Variants in GPR39 observed in about 807,000 individuals in gnomAD.
The protein encoded by GPR39 is G protein-coupled receptor 39, also known as zinc sensing receptor.
Under a neutral mutation model 18.4 loss-of-function variants are expected in GPR39, and 23 were observed. That is an observed-to-expected ratio of 1.25 (90% CI 0.90 to 1.77). The LOEUF (loss-of-function observed/expected upper bound fraction) is 1.77. GPR39 is among the 40% of genes most tolerant of loss of function. The pLI is 0.00. For synonymous variants in GPR39, 280 were observed against 257.9 expected (o/e 1.09, Z -0.82); for missense variants, 647 against 602.4 (o/e 1.07, Z -0.78).
intron 1 of GPR39, among the ~76,000 whole-genome samples, chr2:132,591,804 A>G (rs1321178506): frequency 6.6e-6 from 1 of 152,130 alleles, no homozygotes; most frequent in African/African-American, 2.4e-5. Flanking sequence ...GGAAATTATG[A>G]AATAAAACTG....
At chr2:132,589,547 G>A (rs1680791919) in intron 1 of GPR39, among the ~76,000 whole-genome samples, 1 of 152,216 alleles carries the variant, frequency 6.6e-6, no homozygotes, top group Non-Finnish European at 1.5e-5. Context: ...CTTAGGCAGA[G>A]CCGAGATCTC....
At position 132,610,876 on chromosome 2, in the gene GPR39, C is replaced by G. The variant is rs1338311030; in HGVS notation, c.857-34225C>G. Among the ~76,000 whole-genome samples, 3 of 151,888 alleles carry G rather than the reference C, an allele frequency of 2.0e-5. No individual in the cohort carries two copies. In the East Asian group the frequency reaches 5.8e-4, roughly 29 times the overall value. The stretch of plus-strand genomic sequence containing the variant: ...TGGCTTCCAAGGCCCCTGAGCTCCT[C>G]TGAATCAGCATGCTGGAAGGGAAAA... On this transcript the variant is annotated intron_variant, in intron 1 of 1. Transcript: ENST00000329321.
At chr2:132,459,627 G>A (rs1277957147) in intron 1 of GPR39, among the ~76,000 whole-genome samples, 2 of 152,188 alleles carry the variant, frequency 1.3e-5, no homozygotes, top group East Asian at 3.9e-4. Flanking sequence ...CTACTAGCAT[G>A]TCACTCCATG....
At chr2:132,429,936 A>G (rs4592905) in intron 1 of GPR39, among the ~76,000 whole-genome samples, 31,572 of 152,240 alleles carry the variant, frequency 0.21, 3,397 homozygotes, top group African/African-American at 0.23. Context: ...TAGACTGAAA[A>G]GTAGACTGAG....
intron 1 of GPR39, among the ~76,000 whole-genome samples, chr2:132,441,383 G>T (rs1329754968): frequency 1.9e-5 from 1 of 51,634 alleles, no homozygotes; most frequent in Non-Finnish European, 4.5e-5. Flanking sequence ...ATGCATATAT[G>T]CTTTTTTTTT....
chr2:132,595,363 ATGCAGTTAGT>A (rs77757133), intron 1 of GPR39, among the ~76,000 whole-genome samples: 17,148 of 151,996 alleles, frequency 0.11, 1,398 homozygotes, highest in East Asian at 0.42. Flanking sequence ...CACATACCTC[ATGCAGTTAGT>A]TTGCACTCCA....
At chr2:132,556,936 T>C (rs1278322086) in intron 1 of GPR39, among the ~76,000 whole-genome samples, 1 of 152,206 alleles carries the variant, frequency 6.6e-6, no homozygotes, top group Non-Finnish European at 1.5e-5. Flanking sequence ...GGGTATAATG[T>C]CTGAGTGCCT....
Position 132,646,340 on chromosome 2 carries a change from T to TCTCA in GPR39, c.*735_*738dup, listed in dbSNP as rs535433576. On this transcript the variant is annotated 3_prime_UTR_variant, in exon 2 of 2. Transcript: ENST00000329321. ...GCACCGGCAAAAGAATAGCTGTCCC[T>TCTCA]CTCAGCCCAAATCCAAACGGACAGC... 44 of 1,209,520 alleles carry TCTCA rather than the reference T, an allele frequency of 3.6e-5. No individual in the cohort carries two copies. The South Asian group carries it at 8.8e-4, about 24-fold the overall frequency. The allele number at this position is 1,209,520 out of a possible 1,614,324, so 74.9% of individuals were successfully genotyped here.
chr2:132,456,500 T>G (rs1019135177), intron 1 of GPR39, among the ~76,000 whole-genome samples: 6 of 152,232 alleles, frequency 3.9e-5, no homozygotes, highest in Non-Finnish European at 5.9e-5. Context: ...TACTGTTATG[T>G]GTGAATCTGA....
chr2:132,582,593 G>A (rs1040388129), intron 1 of GPR39, among the ~76,000 whole-genome samples: 31 of 152,218 alleles, frequency 2.0e-4, no homozygotes, highest in Admixed American at 5.2e-4. Context: ...GATTCTTAGC[G>A]GAGTAAGGTC....
chr2:132,597,309 A>G (rs1162310213), intron 1 of GPR39, among the ~76,000 whole-genome samples: 1 of 152,188 alleles, frequency 6.6e-6, no homozygotes, highest in Non-Finnish European at 1.5e-5. Flanking sequence ...GGGCAGCAAG[A>G]ACAGTGCTAG....
At chr2:132,516,089 G>A (rs1679326277) in intron 1 of GPR39, among the ~76,000 whole-genome samples, 1 of 152,240 alleles carries the variant, frequency 6.6e-6, no homozygotes, top group East Asian at 1.9e-4. Context: ...CTTTGTTTCT[G>A]CTTTCTGGGT....
chr2:132,572,695 C>T (rs180954566), intron 1 of GPR39, among the ~76,000 whole-genome samples: 1 of 152,324 alleles, frequency 6.6e-6, no homozygotes, highest in Non-Finnish European at 1.5e-5. Flanking sequence ...GCACCATTCT[C>T]TCGGGCACTT....
chr2:132,626,109 AAAC>A (rs1681540986), intron 1 of GPR39, among the ~76,000 whole-genome samples: 2 of 151,936 alleles, frequency 1.3e-5, no homozygotes, highest in South Asian at 4.1e-4. Flanking sequence ...CAAAAAAAAA[AAAC>A]AAAAAACTAA....
intron 1 of GPR39, among the ~76,000 whole-genome samples, chr2:132,480,552 G>C (rs901254458): frequency 6.6e-6 from 1 of 152,154 alleles, no homozygotes. Flanking sequence ...TGTAACTAGG[G>C]CAGGGACAGG....
At chr2:132,607,238 T>A (rs1681156797) in intron 1 of GPR39, among the ~76,000 whole-genome samples, 1 of 152,232 alleles carries the variant, frequency 6.6e-6, no homozygotes, top group African/African-American at 2.4e-5. Flanking sequence ...TTGGTTTTTT[T>A]AAAAGTAATT....
chr2:132,469,015 T>C (rs1200767102), intron 1 of GPR39, among the ~76,000 whole-genome samples: 2 of 152,216 alleles, frequency 1.3e-5, no homozygotes, highest in African/African-American at 4.8e-5. Context: ...TTGGCAGCGA[T>C]TCTGAATCAA....
rs565685724 is a variant in GPR39, at chr2:132,447,877, G to C, written c.856+29979G>C. Among the ~76,000 whole-genome samples, 9 of 152,288 alleles carry C rather than the reference G, an allele frequency of 5.9e-5. 1 individual carries two copies. The South Asian group carries it at 1.9e-3, about 32-fold the overall frequency. ...TCACCAGCACACAACCAGTTGAGGA[G>C]AGAAAACTGAATTTATTGTTTGCTG... is the stretch of plus-strand genomic sequence containing the variant. On this transcript the variant is annotated intron_variant, in intron 1 of 1. Coordinates refer to ENST00000329321, the MANE Select transcript of GPR39 (RefSeq NM_001508.3).
At chr2:132,425,897 A>T (rs1290676969) in intron 1 of GPR39, among the ~76,000 whole-genome samples, 20 of 152,198 alleles carry the variant, frequency 1.3e-4, no homozygotes, top group Admixed American at 1.3e-3. Context: ...GAACTTCTAG[A>T]AAAGAATTCA....
Sources: gnomAD v4.1 joint callset for allele counts (sites outside exome capture counted in the v4.1 genomes callset) on GRCh38, gnomAD v4.1.1 for gene constraint, MANE v1.5 for transcripts, NCBI Gene and HGNC (gene_info 2026-07-23, HGNC 2026-07-21) for gene names.